Variants in TGFA observed in about 807,000 individuals in gnomAD.
TGFA encodes protransforming growth factor alpha.
In TGFA, 12 loss-of-function variants were observed where a neutral mutation model predicts 21.7. The ratio of observed to expected loss-of-function variants is 0.55; its 90% CI spans 0.35 to 0.90. The LOEUF is 0.90. Ranked by LOEUF, TGFA falls within the 40% of genes least tolerant of loss-of-function variation. TGFA has a pLI of 0.01. For synonymous variants in TGFA, 79 were observed against 88.1 expected (o/e 0.90, Z 0.58); for missense variants, 178 against 210.8 (o/e 0.84, Z 0.96).
chr2:70,543,056 T>C (rs1673181189), intron 1 of TGFA, among the ~76,000 whole-genome samples: 1 of 151,774 alleles, frequency 6.6e-6, no homozygotes, highest in East Asian at 1.9e-4. Context: ...TGAGCCAAGA[T>C]TGCGCCATTG....
chr2:70,503,947 T>A (rs1184666302), intron 2 of TGFA, among the ~76,000 whole-genome samples: 2 of 152,226 alleles, frequency 1.3e-5, no homozygotes, highest in Non-Finnish European at 2.9e-5. Context: ...TTCAATCCCC[T>A]GTGCTTCATA....
intron 2 of TGFA, among the ~76,000 whole-genome samples, chr2:70,479,007 A>G (rs937633860): frequency 3.3e-5 from 5 of 152,204 alleles, no homozygotes; most frequent in African/African-American, 4.8e-5. Context: ...CTTCCCAGTT[A>G]CCAGTTTTTA....
intron 2 of TGFA, among the ~76,000 whole-genome samples, chr2:70,466,619 G>A (rs551692170): frequency 4.6e-5 from 7 of 152,270 alleles, no homozygotes; most frequent in African/African-American, 1.7e-4. Context: ...ATGGTAGCAG[G>A]GCTTCTCTTG....
chr2:70,541,840 G>T (rs140805418), intron 1 of TGFA, among the ~76,000 whole-genome samples: 3 of 152,132 alleles, frequency 2.0e-5, no homozygotes, highest in African/African-American at 7.2e-5. Flanking sequence ...AGGGACCTAT[G>T]ATTCATCCCC....
intron 2 of TGFA, among the ~76,000 whole-genome samples, chr2:70,488,683 G>C (rs114507290): frequency 3.3e-5 from 5 of 152,190 alleles, no homozygotes; most frequent in Non-Finnish European, 7.4e-5. Flanking sequence ...CCAGGTGACC[G>C]TTAGAATCAT....
chr2:70,471,363 C>A (rs1386299514), intron 2 of TGFA, among the ~76,000 whole-genome samples: 2 of 152,138 alleles, frequency 1.3e-5, no homozygotes, highest in Non-Finnish European at 2.9e-5. Flanking sequence ...CAAGGGCAAG[C>A]CACACTGTGA....
intron 2 of TGFA, among the ~76,000 whole-genome samples, chr2:70,477,428 T>C (rs1670972871): frequency 6.6e-6 from 1 of 152,148 alleles, no homozygotes; most frequent in South Asian, 2.1e-4. Flanking sequence ...TTTCTTTTAA[T>C]TGAAAGAGTT....
chr2:70,506,798 T>G (rs1178217437), intron 2 of TGFA, among the ~76,000 whole-genome samples: 2 of 152,196 alleles, frequency 1.3e-5, no homozygotes, highest in Non-Finnish European at 2.9e-5. Context: ...AGCTAGTAGG[T>G]GGCAGAGGTG....
chr2:70,514,980 G>A, intron 1 of TGFA, 68 bp from the exon 2 acceptor site: 1 of 1,478,304 alleles, frequency 6.8e-7, no homozygotes, highest in Non-Finnish European at 9.3e-7. Flanking sequence ...CAGACGCTTA[G>A]AGGGCAGGCC....
chr2:70,503,212 G>A (rs569121019), intron 2 of TGFA, among the ~76,000 whole-genome samples: 3 of 152,084 alleles, frequency 2.0e-5, no homozygotes, highest in Non-Finnish European at 2.9e-5. Context: ...AAGAAGATGT[G>A]GCACATATAC....
intron 1 of TGFA, among the ~76,000 whole-genome samples, chr2:70,532,714 G>T (rs1553503861): frequency 6.6e-6 from 1 of 152,176 alleles, no homozygotes; most frequent in Admixed American, 6.5e-5. Context: ...CCCATCCGTG[G>T]CCTGTGAACA....
intron 2 of TGFA, among the ~76,000 whole-genome samples, chr2:70,476,079 G>GAAAAAA (rs1670915046): frequency 3.7e-4 from 2 of 5,430 alleles, no homozygotes; most frequent in African/African-American, 8.7e-4. Flanking sequence ...GTAATTTTAA[G>GAAAAAA]CAAAAAAAAA....
At position 70,465,888 on chromosome 2, in the gene TGFA, T is replaced by C. The variant is rs72910009; in HGVS notation, c.95-152A>G. ...ACACCCTCCTCAGCTCTCACTTACT[T>C]TCTAAAGCCTAAGACAGGCCTAGAG... is the stretch of plus-strand genomic sequence containing the variant. On this transcript the variant is annotated intron_variant, in intron 2 of 5. Transcript: ENST00000295400. 458 of 1,194,888 alleles carry C rather than the reference T, an allele frequency of 3.8e-4. No homozygotes were observed. The African/African-American group carries it at 6.4e-3, about 17-fold the overall frequency. The allele number at this position is 1,194,888 out of a possible 1,614,324, so 74.0% of individuals were successfully genotyped here.
At chr2:70,453,632 C>T (rs959137548) in intron 4 of TGFA, among the ~76,000 whole-genome samples, 5 of 152,336 alleles carry the variant, frequency 3.3e-5, no homozygotes, top group Middle Eastern at 3.4e-3. Context: ...TGGTCCTCCA[C>T]TCGGCTTTCT....
In TGFA at chr2:70,480,283, G is replaced by A. The variant is rs142765952; in HGVS notation, c.95-14547C>T. Among the ~76,000 whole-genome samples, 406 of 152,280 alleles carry A rather than the reference G, an allele frequency of 2.7e-3. 3 individuals carry two copies. Among genetic ancestry groups the A allele is most frequent in the African/African-American group, 9.7e-3 (404 of 41,556 alleles). ...TTTCTTAAGGCATTGGCAGGATCCA[G>A]ATGGCCTGCCCTCACCCTCATACCT... On this transcript the variant is annotated intron_variant, in intron 2 of 5. Transcript: ENST00000295400.
intron 1 of TGFA, chr2:70,553,054 G>T: frequency 2.0e-6 from 2 of 978,270 alleles, no homozygotes; most frequent in South Asian, 3.3e-5. Flanking sequence ...CATTTCCAAG[G>T]ACATACTCAA....
At chr2:70,484,294 A>G (rs782565168) in intron 2 of TGFA, among the ~76,000 whole-genome samples, 13 of 152,228 alleles carry the variant, frequency 8.5e-5, no homozygotes, top group Non-Finnish European at 1.6e-4. Context: ...TCCAGAAAAT[A>G]TACCCATCTG....
intron 1 of TGFA, among the ~76,000 whole-genome samples, chr2:70,515,765 A>G (rs1672255840): frequency 6.6e-6 from 1 of 152,166 alleles, no homozygotes; most frequent in Admixed American, 6.5e-5. Flanking sequence ...CCTGCCAGGG[A>G]TAGATCATGG....
At chr2:70,501,413 G>A (rs1171272227) in intron 2 of TGFA, among the ~76,000 whole-genome samples, 1 of 152,092 alleles carries the variant, frequency 6.6e-6, no homozygotes, top group African/African-American at 2.4e-5. Flanking sequence ...TCACCACTGA[G>A]AAGAACCCAA....
Sources: gnomAD v4.1 joint callset for allele counts (sites outside exome capture counted in the v4.1 genomes callset) on GRCh38, gnomAD v4.1.1 for gene constraint, MANE v1.5 for transcripts, NCBI Gene and HGNC (gene_info 2026-07-23, HGNC 2026-07-21) for gene names.